ARHGAP24: variants seen among roughly 807,000 people sequenced by gnomAD.
ARHGAP24 encodes the protein rho GTPase-activating protein 24.
Under a neutral mutation model 76.4 loss-of-function variants are expected in ARHGAP24, and 50 were observed. That is an observed-to-expected ratio of 0.65 (90% CI 0.52 to 0.83). The LOEUF (loss-of-function observed/expected upper bound fraction) is 0.83. ARHGAP24 is among the 40% of genes least tolerant of loss of function. ARHGAP24 has a pLI of 0.00. For missense variants in ARHGAP24, 930 were observed against 914.2 expected (o/e 1.02, Z -0.22); for synonymous variants, 345 against 323.3 (o/e 1.07, Z -0.72).
chr4:85,901,360 C>T (rs1734479204), intron 3 of ARHGAP24, among the ~76,000 whole-genome samples: 1 of 151,808 alleles, frequency 6.6e-6, no homozygotes, highest in Admixed American at 6.6e-5. Flanking sequence ...ATTATGGAAG[C>T]CCAAGAGGGA....
chr4:85,998,831 C>T (rs190131723), intron 9 of ARHGAP24, among the ~76,000 whole-genome samples: 110 of 152,220 alleles, frequency 7.2e-4, no homozygotes, highest in Admixed American at 2.3e-3. Context: ...TTCTGCCTGC[C>T]TAATACTGGA....
chr4:85,571,124 A>T (rs771760699), intron 2 of ARHGAP24, among the ~76,000 whole-genome samples: 41 of 152,210 alleles, frequency 2.7e-4, no homozygotes, highest in Non-Finnish European at 4.9e-4. Context: ...AATTTATGAG[A>T]CATTTTCAGT....
intron 1 of ARHGAP24, among the ~76,000 whole-genome samples, chr4:85,516,815 G>A (rs1277801058): frequency 6.6e-6 from 1 of 152,032 alleles, no homozygotes; most frequent in Non-Finnish European, 1.5e-5. Context: ...GTATGTAATT[G>A]ATTGGTCTTT....
At chr4:85,688,059 C>G (rs761712723) in intron 2 of ARHGAP24, among the ~76,000 whole-genome samples, 1 of 152,218 alleles carries the variant, frequency 6.6e-6, no homozygotes, top group Middle Eastern at 3.4e-3. Flanking sequence ...ATAATCCGCC[C>G]GCCTTGGCCT....
intron 1 of ARHGAP24, among the ~76,000 whole-genome samples, chr4:85,508,677 T>G (rs1308624189): frequency 6.6e-6 from 1 of 152,196 alleles, no homozygotes; most frequent in Non-Finnish European, 1.5e-5. Flanking sequence ...ACTATTGGTG[T>G]TTTGCACAAA....
At chr4:85,972,348 C>G (rs981539912) in intron 6 of ARHGAP24, 180 bp downstream of exon 6, 4 of 730,348 alleles carry the variant, frequency 5.5e-6, no homozygotes, top group African/African-American at 1.8e-5. Flanking sequence ...CCGATCCCCT[C>G]TCTGATCAAA....
intron 2 of ARHGAP24, among the ~76,000 whole-genome samples, chr4:85,621,574 G>A (rs1720720000): frequency 6.6e-6 from 1 of 151,912 alleles, no homozygotes; most frequent in South Asian, 2.1e-4. Context: ...CTTTTGAGAA[G>A]TGTCTGTTCA....
intron 2 of ARHGAP24, among the ~76,000 whole-genome samples, chr4:85,589,758 C>T (rs542403897): frequency 1.0e-3 from 156 of 152,256 alleles, no homozygotes; most frequent in Admixed American, 4.3e-3. Context: ...GGTCAAAATA[C>T]TTTAATAAAT....
At chr4:85,808,699 G>C (rs925199044) in intron 3 of ARHGAP24, among the ~76,000 whole-genome samples, 8 of 152,198 alleles carry the variant, frequency 5.3e-5, no homozygotes, top group Non-Finnish European at 8.8e-5. Context: ...TCCTGGTGTA[G>C]CAGCTCCTTC....
At position 85,827,926 on chromosome 4, in the gene ARHGAP24, A is replaced by G. The variant is rs921882780; in HGVS notation, c.269-95722A>G. 3 of 1,289,628 alleles carry G rather than the reference A, an allele frequency of 2.3e-6. No homozygotes were observed. In the African/African-American group the frequency reaches 4.6e-5, roughly 20 times the overall value. The allele number at this position is 1,289,628 out of a possible 1,614,324, so 79.9% of individuals were successfully genotyped here. ...GCAGCTGCTCTGTCTCCCAGCTTGC[A>G]AGTGCAGCCTGCATTTGTCACTGAC... is the stretch of plus-strand genomic sequence containing the variant. On this transcript the variant is annotated intron_variant, in intron 3 of 9. Transcript: ENST00000395184.
intron 1 of ARHGAP24, among the ~76,000 whole-genome samples, chr4:85,535,220 A>G (rs190295840): frequency 4.6e-4 from 70 of 152,226 alleles, no homozygotes; most frequent in Middle Eastern, 3.4e-3. Flanking sequence ...TTTGTTAAAG[A>G]AAAGAAAGTT....
At chr4:85,898,063 AT>A (rs1464021985) in intron 3 of ARHGAP24, among the ~76,000 whole-genome samples, 10 of 146,818 alleles carry the variant, frequency 6.8e-5, no homozygotes, top group Non-Finnish European at 7.5e-5. Context: ...ATATATAATT[AT>A]TTTTTTATTG....
At chr4:85,480,238 A>T (rs1057183790) in intron 1 of ARHGAP24, among the ~76,000 whole-genome samples, 3 of 152,192 alleles carry the variant, frequency 2.0e-5, no homozygotes, top group African/African-American at 7.2e-5. Flanking sequence ...CAAATTCTTT[A>T]TATAAGGATT....
At chr4:85,668,663 CTCTG>C (rs1308295755) in intron 2 of ARHGAP24, among the ~76,000 whole-genome samples, 3 of 152,064 alleles carry the variant, frequency 2.0e-5, no homozygotes, top group Admixed American at 6.6e-5. Flanking sequence ...TAACATCTTA[CTCTG>C]TCTGAGTTTG....
At chr4:85,614,770 T>G (rs1387316875) in intron 2 of ARHGAP24, among the ~76,000 whole-genome samples, 1 of 152,042 alleles carries the variant, frequency 6.6e-6, no homozygotes, top group Non-Finnish European at 1.5e-5. Context: ...TACTTAAATA[T>G]CACATTAATT....
At chr4:85,737,139 TTTG>T (rs1176252261) in intron 3 of ARHGAP24, among the ~76,000 whole-genome samples, 1 of 152,112 alleles carries the variant, frequency 6.6e-6, no homozygotes, top group Non-Finnish European at 1.5e-5. Context: ...TGTTTGTTTG[TTTG>T]TTTTTTGCAT....
chr4:85,862,674 C>T (rs997842702), intron 3 of ARHGAP24, among the ~76,000 whole-genome samples: 1 of 152,124 alleles, frequency 6.6e-6, no homozygotes, highest in Non-Finnish European at 1.5e-5. Context: ...GCATCTCAAA[C>T]TTGACCTGTC....
intron 2 of ARHGAP24, among the ~76,000 whole-genome samples, chr4:85,653,358 G>A (rs1204752986): frequency 6.6e-6 from 1 of 152,180 alleles, no homozygotes. Flanking sequence ...ATTGTATTAT[G>A]TAGTAGAGAA....
intron 3 of ARHGAP24, among the ~76,000 whole-genome samples, chr4:85,894,505 A>G (rs1480728663): frequency 2.0e-5 from 3 of 152,250 alleles, no homozygotes; most frequent in Non-Finnish European, 4.4e-5. Context: ...AAGATCATCC[A>G]GATCAGACAA....
Sources: allele counts gnomAD v4.1 joint callset (sites outside exome capture counted in the v4.1 genomes callset), GRCh38; gene constraint gnomAD v4.1.1; transcripts MANE v1.5; gene names NCBI Gene and HGNC (gene_info 2026-07-23, HGNC 2026-07-21).